The following OPCML variants were observed in gnomAD, a reference collection of about 807,000 sequenced individuals.
OPCML encodes opioid binding protein/cell adhesion molecule like.
OPCML carries 13 observed loss-of-function variants against 37.8 expected under a neutral mutation model. That is an observed-to-expected ratio of 0.34 (90% CI 0.22 to 0.55). The LOEUF is 0.55. Ranked by LOEUF, OPCML falls within the 20% of genes least tolerant of loss-of-function variation. The pLI is 0.91. For missense variants in OPCML, 341 were observed against 435.6 expected, an observed-to-expected ratio of 0.78 and a Z score of 1.93; for synonymous variants, 176 against 168.8, an observed-to-expected ratio of 1.04 and a Z score of -0.33.
At chr11:132,803,694 GGTAGCATA>G (rs1188665612) in intron 2 of OPCML, among the ~76,000 whole-genome samples, 1 of 152,140 alleles carries the variant, frequency 6.6e-6, no homozygotes, top group African/African-American at 2.4e-5. Flanking sequence ...TCCACCAGAA[GGTAGCATA>G]GTATAGTTGT....
rs572478305 is a variant in OPCML at position 133,427,849 on chromosome 11, T to G, written c.61+104415A>C. Among the ~76,000 whole-genome samples, 8 of 152,260 alleles carry G rather than the reference T, an allele frequency of 5.3e-5. No homozygotes were observed. The South Asian group carries it at 1.7e-3, about 32-fold the overall frequency. On this transcript the variant is annotated intron_variant, in intron 1 of 7. Coordinates refer to ENST00000524381, the MANE Select transcript of OPCML (RefSeq NM_001012393.5). ...AATTCTGTCAAATTTCTTAGGAGCG[T>G]ATACTCTCCATGAAAATATCTATGT...
Position 132,861,904 on chromosome 11 carries a change from A to T in OPCML, c.146+81022T>A. On this transcript the variant is annotated intron_variant, in intron 2 of 7. Transcript: ENST00000524381. ...ACTCTCTCCTTAAGCTAGTTAACTG[A>T]GTATGAAAATAAGTTTACTCCTACT... 1.3e-5 allele frequency among the ~76,000 whole-genome samples: 2 copies of T among 151,448 alleles called. 1 individual carries two copies. Among genetic ancestry groups the T allele is most frequent in the Non-Finnish European group, 2.9e-5 (2 of 67,914 alleles).
At chr11:133,006,879 C>A in intron 1 of OPCML, 1 of 985,436 alleles carries the variant, frequency 1.0e-6, no homozygotes, top group Middle Eastern at 5.2e-4. Flanking sequence ...GCAGTAGGCT[C>A]ATGCTATACC....
chr11:133,058,475 G>A (rs531493376), intron 1 of OPCML, among the ~76,000 whole-genome samples: 5 of 152,142 alleles, frequency 3.3e-5, no homozygotes, highest in African/African-American at 7.2e-5. Flanking sequence ...TAAATGGGGC[G>A]GGCAGGTGTC....
At chr11:132,696,971 G>A (rs972504994) in intron 2 of OPCML, among the ~76,000 whole-genome samples, 2 of 152,050 alleles carry the variant, frequency 1.3e-5, no homozygotes, top group African/African-American at 2.4e-5. Flanking sequence ...AAGCAACATC[G>A]TGAACACTTC....
chr11:132,966,891 T>C (rs1946227161), intron 1 of OPCML, among the ~76,000 whole-genome samples: 1 of 152,068 alleles, frequency 6.6e-6, no homozygotes. Context: ...GCATGGAATA[T>C]ATATTTTTAT....
chr11:132,445,940 G>A (rs2096053646), intron 4 of OPCML, among the ~76,000 whole-genome samples: 1 of 152,064 alleles, frequency 6.6e-6, no homozygotes, highest in Non-Finnish European at 1.5e-5. Flanking sequence ...CTTTATTGTA[G>A]GTGGGTCAGG....
intron 2 of OPCML, among the ~76,000 whole-genome samples, chr11:132,896,100 T>C (rs1175739691): frequency 6.6e-6 from 1 of 152,120 alleles, no homozygotes; most frequent in East Asian, 1.9e-4. Context: ...GTTTGTTTGA[T>C]TGAGTGGTAA....
chr11:132,809,333 G>T (rs536652232), intron 2 of OPCML, among the ~76,000 whole-genome samples: 3 of 152,292 alleles, frequency 2.0e-5, no homozygotes, highest in African/African-American at 7.2e-5. Flanking sequence ...GAAGGAAGTA[G>T]ATAATCCAAA....
chr11:133,192,747 A>G (rs74322690), intron 1 of OPCML, among the ~76,000 whole-genome samples: 1,833 of 152,272 alleles, frequency 0.012, 16 homozygotes, highest in Middle Eastern at 0.044. Context: ...GTGAATATCA[A>G]TTTCTATAAG....
chr11:132,987,503 C>T (rs565113381), intron 1 of OPCML, among the ~76,000 whole-genome samples: 21 of 152,168 alleles, frequency 1.4e-4, no homozygotes, highest in African/African-American at 4.3e-4. Context: ...GGCCCCATTG[C>T]GAGAGAGTTT....
chr11:132,883,512 A>T (rs890751410), intron 2 of OPCML, among the ~76,000 whole-genome samples: 3 of 152,180 alleles, frequency 2.0e-5, no homozygotes, highest in Non-Finnish European at 4.4e-5. Context: ...TCCAGTGGGA[A>T]TAAAAATAAA....
At chr11:132,434,903 A>G (rs1279131292) in intron 7 of OPCML, among the ~76,000 whole-genome samples, 4 of 152,164 alleles carry the variant, frequency 2.6e-5, no homozygotes, top group African/African-American at 4.8e-5. Context: ...AGATGACCAA[A>G]TATAAGGTTC....
chr11:132,703,324 C>G (rs1234625605), intron 2 of OPCML, among the ~76,000 whole-genome samples: 2 of 152,112 alleles, frequency 1.3e-5, no homozygotes, highest in South Asian at 2.1e-4. Context: ...TAAAAAGGTA[C>G]AGTAAAAATA....
chr11:133,283,373 C>G (rs539885526), intron 1 of OPCML, among the ~76,000 whole-genome samples: 5 of 151,654 alleles, frequency 3.3e-5, no homozygotes, highest in South Asian at 2.1e-4. Context: ...GCACCTCCCC[C>G]ACCCCTTGTT....
chr11:132,803,746 A>T (rs1435538194), intron 2 of OPCML, among the ~76,000 whole-genome samples: 1 of 152,228 alleles, frequency 6.6e-6, no homozygotes, highest in African/African-American at 2.4e-5. Flanking sequence ...CTAGTGACTC[A>T]ATAACTTTAT....
At chr11:133,051,054 T>TACAC (rs1158307740) in intron 1 of OPCML, among the ~76,000 whole-genome samples, 3 of 91,654 alleles carry the variant, frequency 3.3e-5, no homozygotes, top group African/African-American at 1.3e-4. Flanking sequence ...TCCATGTGTG[T>TACAC]ACATACACAC....
At chr11:133,357,407 A>G (rs1001863521) in intron 1 of OPCML, among the ~76,000 whole-genome samples, 10 of 152,244 alleles carry the variant, frequency 6.6e-5, no homozygotes, top group Non-Finnish European at 1.5e-4. Context: ...TGACATAAAC[A>G]TGTGGATGAT....
rs369413896 is a variant in OPCML at position 132,663,712 on chromosome 11, T to G, written c.147-6393A>C. 2.6e-4 allele frequency among the ~76,000 whole-genome samples: 39 copies of G among 152,348 alleles called. 2 individuals carry two copies. In the East Asian group the frequency reaches 5.0e-3, roughly 20 times the overall value. ...TCCCAAGCGCTAGAATGAGCCACTG[T>G]GGAAGGAGAACTTCGTTATCACAGG... On this transcript the variant is annotated intron_variant, in intron 2 of 7. Transcript: ENST00000524381.
Sources: allele counts gnomAD v4.1 joint callset (sites outside exome capture counted in the v4.1 genomes callset), GRCh38; gene constraint gnomAD v4.1.1; transcripts MANE v1.5; gene names NCBI Gene and HGNC (gene_info 2026-07-23, HGNC 2026-07-21).